Variants in NKAIN3 observed in about 807,000 individuals in gnomAD.
NKAIN3 encodes the protein sodium/potassium-transporting ATPase subunit beta-1-interacting protein 3.
In NKAIN3, 25 loss-of-function variants were observed where a neutral mutation model predicts 30.2. The ratio of observed to expected loss-of-function variants is 0.83; its 90% CI spans 0.60 to 1.16. The LOEUF is 1.16. Ranked by LOEUF, NKAIN3 falls within the 50% of genes most tolerant of loss-of-function variation. The pLI, the probability that NKAIN3 is intolerant of heterozygous loss-of-function variation, is 0.00. For missense variants in NKAIN3, 225 were observed against 254.1 expected, an observed-to-expected ratio of 0.89 and a Z score of 0.78; for synonymous variants, 91 against 89.6, an observed-to-expected ratio of 1.02 and a Z score of -0.09.
chr8:62,269,945 G>A (rs1812730314), intron 1 of NKAIN3, among the ~76,000 whole-genome samples: 1 of 152,024 alleles, frequency 6.6e-6, no homozygotes, highest in African/African-American at 2.4e-5. Flanking sequence ...TTTCCTTTAA[G>A]TATAAAAAAG....
At chr8:62,739,786 C>G (rs980509976) in intron 3 of NKAIN3, among the ~76,000 whole-genome samples, 1 of 151,994 alleles carries the variant, frequency 6.6e-6, no homozygotes, top group African/African-American at 2.4e-5. Context: ...TCTAGCAATA[C>G]CTAGTTGTAA....
intron 5 of NKAIN3, among the ~76,000 whole-genome samples, chr8:62,925,073 G>C (rs1271345132): frequency 3.3e-5 from 5 of 152,126 alleles, no homozygotes; most frequent in African/African-American, 1.2e-4. Context: ...ACTCCTACAT[G>C]TTCTTTAACA....
intron 1 of NKAIN3, among the ~76,000 whole-genome samples, chr8:62,295,152 G>A (rs562817494): frequency 2.0e-5 from 3 of 152,188 alleles, no homozygotes; most frequent in South Asian, 2.1e-4. Flanking sequence ...ATTTGTTTTG[G>A]TGTACCTCAT....
intron 4 of NKAIN3, among the ~76,000 whole-genome samples, chr8:62,788,638 G>T (rs1817601929): frequency 6.6e-6 from 1 of 151,620 alleles, no homozygotes; most frequent in African/African-American, 2.4e-5. Flanking sequence ...GTATTGACTA[G>T]GTTTTCTTCT....
At chr8:62,524,143 TGG>T (rs1215548850) in intron 1 of NKAIN3, among the ~76,000 whole-genome samples, 1 of 151,800 alleles carries the variant, frequency 6.6e-6, no homozygotes, top group Admixed American at 6.6e-5. Flanking sequence ...TCTAGAATCC[TGG>T]TCATGCATGT....
At chr8:62,412,671 G>T (rs529978677) in intron 1 of NKAIN3, among the ~76,000 whole-genome samples, 2 of 151,936 alleles carry the variant, frequency 1.3e-5, no homozygotes, top group Admixed American at 6.6e-5. Flanking sequence ...GAGGCGGGCG[G>T]AACATTTAAG....
chr8:62,480,118 T>C (rs577618195), intron 1 of NKAIN3, among the ~76,000 whole-genome samples: 2 of 152,338 alleles, frequency 1.3e-5, no homozygotes, highest in South Asian at 4.1e-4. Flanking sequence ...CTTCATCTTA[T>C]AACTGAAGGT....
Position 62,278,170 on chromosome 8 carries a change from A to C in NKAIN3, c.54+29043A>C, listed in dbSNP as rs528200340. On this transcript the variant is annotated intron_variant, in intron 1 of 6. Transcript: ENST00000623646. ...GAGCCTCTCCTAGAAAAGCTGCTGC[A>C]GGATGGAGAGCTGAAGAGACTCAGG... 3.3e-5 allele frequency among the ~76,000 whole-genome samples: 5 copies of C among 152,284 alleles called. No individual in the cohort carries two copies. In the South Asian group the frequency reaches 1.0e-3, roughly 32 times the overall value.
intron 4 of NKAIN3, among the ~76,000 whole-genome samples, chr8:62,778,825 T>A (rs1817266592): frequency 6.6e-6 from 1 of 152,052 alleles, no homozygotes. Flanking sequence ...GGGTCACACC[T>A]GAAGCCAGAA....
intron 3 of NKAIN3, among the ~76,000 whole-genome samples, chr8:62,638,826 G>T (rs957632926): frequency 1.3e-5 from 2 of 152,136 alleles, no homozygotes; most frequent in Non-Finnish European, 2.9e-5. Flanking sequence ...GCGGTAGATA[G>T]GTCTTGTAAT....
intron 1 of NKAIN3, among the ~76,000 whole-genome samples, chr8:62,470,786 C>G (rs1806309016): frequency 6.6e-6 from 1 of 151,542 alleles, no homozygotes; most frequent in South Asian, 2.1e-4. Context: ...CTCTCACATA[C>G]AAAAAATATT....
At chr8:62,781,220 A>G (rs1162950858) in intron 4 of NKAIN3, among the ~76,000 whole-genome samples, 3 of 151,974 alleles carry the variant, frequency 2.0e-5, no homozygotes, top group Non-Finnish European at 2.9e-5. Flanking sequence ...AATAAATTTA[A>G]TCAAGGATGT....
intron 1 of NKAIN3, among the ~76,000 whole-genome samples, chr8:62,273,573 C>T (rs1812839035): frequency 6.6e-6 from 1 of 152,010 alleles, no homozygotes; most frequent in African/African-American, 2.4e-5. Context: ...AAGTACTGGC[C>T]CTTGTCTGCA....
chr8:62,689,778 A>G (rs1483593964), intron 3 of NKAIN3, among the ~76,000 whole-genome samples: 1 of 151,958 alleles, frequency 6.6e-6, no homozygotes, highest in Non-Finnish European at 1.5e-5. Context: ...AAATTTGAAT[A>G]TTAATTTTGA....
chr8:62,871,577 T>C lies in NKAIN3; in HGVS notation c.472-46876T>C, dbSNP rs115479601. ...TGCTATACATTAGGTCTCCAGAACT[T>C]ATTCATTTTATAACTGCAGAGGGGC... On this transcript the variant is annotated intron_variant, in intron 4 of 6. Coordinates refer to ENST00000623646, the MANE Select transcript of NKAIN3 (RefSeq NM_001304533.3). Among the ~76,000 whole-genome samples the C allele has an allele frequency of 5.4e-3, 819 of 152,312 alleles. 6 individuals carry two copies. The highest frequency in any genetic ancestry group is 0.018 in the African/African-American group (762 of 41,570).
At chr8:62,760,668 C>G (rs576966785) in intron 4 of NKAIN3, among the ~76,000 whole-genome samples, 169 of 151,768 alleles carry the variant, frequency 1.1e-3, no homozygotes, top group African/African-American at 4.0e-3. Flanking sequence ...GGAGATATAC[C>G]TAATGTTAAA....
At position 62,955,428 on chromosome 8, in the gene NKAIN3, T is replaced by C. The variant is rs543580814; in HGVS notation, c.603+1456T>C. Among the ~76,000 whole-genome samples the C allele has an allele frequency of 5.3e-5, 8 of 152,186 alleles. No individual in the cohort carries two copies. In the South Asian group the frequency reaches 1.7e-3, roughly 32 times the overall value. ...ACAATAATCAAGATGATTAGTGCAT[T>C]GGGAGTGAGAAAAGAACTAAGACAA... is the stretch of plus-strand genomic sequence containing the variant. On this transcript the variant is annotated intron_variant, in intron 6 of 6. Transcript: ENST00000623646.
At chr8:62,326,511 T>C (rs1815137566) in intron 1 of NKAIN3, among the ~76,000 whole-genome samples, 1 of 151,816 alleles carries the variant, frequency 6.6e-6, no homozygotes, top group Non-Finnish European at 1.5e-5. Context: ...GAGGATCCAG[T>C]TTCATTCTTC....
chr8:62,600,290 A>T (rs1489243088), intron 3 of NKAIN3, among the ~76,000 whole-genome samples: 3 of 152,056 alleles, frequency 2.0e-5, no homozygotes, highest in African/African-American at 7.2e-5. Flanking sequence ...AAATGAATGA[A>T]AGACATTCTA....
Sources: allele counts gnomAD v4.1 joint callset (sites outside exome capture counted in the v4.1 genomes callset), GRCh38; gene constraint gnomAD v4.1.1; transcripts MANE v1.5; gene names NCBI Gene and HGNC (gene_info 2026-07-23, HGNC 2026-07-21).